CDH13: variants seen among roughly 807,000 people sequenced by gnomAD.
CDH13 encodes cadherin-13.
Under a neutral mutation model 63.8 loss-of-function variants are expected in CDH13, and 24 were observed. The observed-to-expected ratio is 0.38, with a 90% CI of 0.27 to 0.53. CDH13 has a LOEUF of 0.53. Ranked by LOEUF, CDH13 falls within the 20% of genes least tolerant of loss-of-function variation. The probability of loss-of-function intolerance (pLI) is 0.85; values close to 1 mark genes in which losing one functional copy is unlikely to be tolerated. For missense variants in CDH13, 1,049 were observed against 903.1 expected, an observed-to-expected ratio of 1.16 and a Z score of -2.07; for synonymous variants, 503 against 355.3, an observed-to-expected ratio of 1.42 and a Z score of -4.67.
intron 6 of CDH13, among the ~76,000 whole-genome samples, chr16:83,426,444 C>T (rs1367919425): frequency 6.6e-6 from 1 of 152,082 alleles, no homozygotes; most frequent in Non-Finnish European, 1.5e-5. Flanking sequence ...TAAATCTCCT[C>T]CTGGACCATA....
At chr16:83,709,080 G>T (rs899764761) in intron 10 of CDH13, among the ~76,000 whole-genome samples, 5 of 151,886 alleles carry the variant, frequency 3.3e-5, no homozygotes, top group African/African-American at 1.2e-4. Flanking sequence ...GAGGCAGGAG[G>T]GTCAGAGTCA....
chr16:82,948,442 C>T lies in CDH13; in HGVS notation c.158-83568C>T, dbSNP rs12919405. 4.1e-3 allele frequency among the ~76,000 whole-genome samples: 620 copies of T among 152,258 alleles called. 6 individuals are homozygous for T. Among genetic ancestry groups the T allele is most frequent in the Middle Eastern group, 0.014 (4 of 294 alleles). On this transcript the variant is annotated intron_variant, in intron 2 of 13. Transcript: ENST00000567109. Reference sequence around the variant, plus strand: ...TCTTCCCCCTTTAGAGTTCAGTTTGCTGTCTTCATCACAGTCCCAAAAAAT... The same window carrying T: ...TCTTCCCCCTTTAGAGTTCAGTTTGTTGTCTTCATCACAGTCCCAAAAAAT...
At chr16:82,773,462 G>A (rs565202480) in intron 1 of CDH13, 1 of 152,364 alleles carries the variant, frequency 6.6e-6, no homozygotes, top group South Asian at 2.1e-4. Context: ...GAAATAATAG[G>A]TGGACTTGTC....
chr16:82,858,501 T>G, intron 2 of CDH13, 28 bp downstream of exon 2: 1 of 1,278,040 alleles, frequency 7.8e-7, no homozygotes, highest in Non-Finnish European at 1.1e-6. Context: ...AAGATGCTTT[T>G]AGACTCTTCT....
intron 4 of CDH13, among the ~76,000 whole-genome samples, chr16:83,162,655 GA>G (rs1410909384): frequency 6.6e-6 from 1 of 151,508 alleles, no homozygotes; most frequent in Non-Finnish European, 1.5e-5. Context: ...AACAGTTACT[GA>G]ATGAGCTTGT....
chr16:83,522,325 T>A lies in CDH13; in HGVS notation c.960+35670T>A, dbSNP rs145850520. ...GTCATGTATTATTCACTTGATGGAG[T>A]GTATACGTCCATCTTATGTCAATTT... On this transcript the variant is annotated intron_variant, in intron 7 of 13. Coordinates refer to ENST00000567109, the MANE Select transcript of CDH13 (RefSeq NM_001257.5). Among the ~76,000 whole-genome samples the A allele has an allele frequency of 1.9e-3, 291 of 152,272 alleles. 2 individuals carry two copies. Among genetic ancestry groups the A allele is most frequent in the Non-Finnish European group, 1.8e-3 (121 of 68,020 alleles).
At chr16:83,429,108 G>C (rs1451416009) in intron 6 of CDH13, among the ~76,000 whole-genome samples, 1 of 152,180 alleles carries the variant, frequency 6.6e-6, no homozygotes, top group Non-Finnish European at 1.5e-5. Context: ...ATGTGCATTT[G>C]GCAGTGGGAG....
chr16:82,800,191 G>A (rs1459495924), intron 1 of CDH13, among the ~76,000 whole-genome samples: 2 of 151,776 alleles, frequency 1.3e-5, no homozygotes, highest in Admixed American at 6.6e-5. Context: ...TAAAATTTTG[G>A]GATTATGACA....
intron 6 of CDH13, among the ~76,000 whole-genome samples, chr16:83,458,548 CA>C (rs2073085967): frequency 6.6e-6 from 1 of 152,156 alleles, no homozygotes; most frequent in African/African-American, 2.4e-5. Flanking sequence ...CATCTCCCCC[CA>C]CTACAAAAAA....
intron 1 of CDH13, among the ~76,000 whole-genome samples, chr16:82,822,788 C>T (rs1295183627): frequency 6.6e-6 from 1 of 152,236 alleles, no homozygotes; most frequent in Non-Finnish European, 1.5e-5. Flanking sequence ...AGCCACCATG[C>T]CCAGTCTATC....
At chr16:83,023,644 C>G (rs540457040) in intron 2 of CDH13, among the ~76,000 whole-genome samples, 1 of 152,176 alleles carries the variant, frequency 6.6e-6, no homozygotes, top group East Asian at 1.9e-4. Context: ...ATAAACTGTT[C>G]AGTTTTGTCC....
chr16:82,860,233 G>T lies in CDH13; in HGVS notation c.157+1760G>T, dbSNP rs554679338. On this transcript the variant is annotated intron_variant, in intron 2 of 13. Coordinates refer to ENST00000567109, the MANE Select transcript of CDH13 (RefSeq NM_001257.5). ...ATTAATAGAGTTGGTATGCAAAGTA[G>T]ACCTATAAATGTGATTGCTTCTGTA... 9.9e-5 allele frequency among the ~76,000 whole-genome samples: 15 copies of T among 152,212 alleles called. 1 individual carries two copies. In the South Asian group the frequency reaches 3.1e-3, roughly 32 times the overall value.
intron 1 of CDH13, among the ~76,000 whole-genome samples, chr16:82,820,693 A>T (rs1194865827): frequency 6.6e-6 from 1 of 152,208 alleles, no homozygotes; most frequent in African/African-American, 2.4e-5. Context: ...CTCCCCCAAA[A>T]CATTCTTGAT....
intron 1 of CDH13, among the ~76,000 whole-genome samples, chr16:82,811,898 G>C (rs1393140545): frequency 1.3e-5 from 2 of 152,132 alleles, no homozygotes; most frequent in East Asian, 1.9e-4. Flanking sequence ...ATGACCATGA[G>C]TTTGGTTAGG....
chr16:83,144,108 G>C (rs1018993407), intron 4 of CDH13, among the ~76,000 whole-genome samples: 7 of 152,086 alleles, frequency 4.6e-5, no homozygotes, highest in African/African-American at 1.7e-4. Context: ...CGCCTGATTG[G>C]TCATACTTGA....
intron 4 of CDH13, among the ~76,000 whole-genome samples, chr16:83,201,774 G>A (rs566450174): frequency 7.9e-5 from 12 of 151,666 alleles, no homozygotes; most frequent in Admixed American, 2.0e-4. Flanking sequence ...AAAATTAGCC[G>A]GGCGTGGTAG....
chr16:83,783,319 G>A lies in CDH13; in HGVS notation c.1981G>A (p.Val661Met). Reference sequence around the variant, plus strand: ...AGCAAACTACAACCTGCCCATCATGGTGACAGATTCAGGGAAACCACCCAT... The same window carrying A: ...AGCAAACTACAACCTGCCCATCATGATGACAGATTCAGGGAAACCACCCAT... ...NKANYNLPIM[V>M]TDSGKPPMTN... Residue 661 changes from valine to methionine, a missense_variant, in exon 13 of 14, where the codon GTG becomes ATG. Physicochemically the swap from Val to Met is conservative, Grantham distance 21 (BLOSUM62 1). Transcript: ENST00000567109. 6.2e-7 allele frequency: 1 copy of A among 1,613,944 alleles called. No homozygotes were observed. Among genetic ancestry groups the A allele is most frequent in the South Asian group, 1.1e-5 (1 of 91,080 alleles).
chr16:83,011,807 G>A (rs774774979), intron 2 of CDH13, among the ~76,000 whole-genome samples: 3 of 152,164 alleles, frequency 2.0e-5, no homozygotes, highest in African/African-American at 7.2e-5. Flanking sequence ...AACCCAGCAA[G>A]TGTTCAGTTC....
intron 5 of CDH13, among the ~76,000 whole-genome samples, chr16:83,276,784 T>C (rs1175585086): frequency 6.6e-6 from 1 of 152,078 alleles, no homozygotes; most frequent in Non-Finnish European, 1.5e-5. Flanking sequence ...GGCAGAAGAA[T>C]GGCATGAACA....
Sources: gnomAD v4.1 joint callset for allele counts (sites outside exome capture counted in the v4.1 genomes callset) on GRCh38, gnomAD v4.1.1 for gene constraint, MANE v1.5 for transcripts, NCBI Gene and HGNC (gene_info 2026-07-23, HGNC 2026-07-21) for gene names.